Variants in LPXN observed in about 807,000 individuals in gnomAD.
The protein encoded by LPXN is leupaxin.
Under a neutral mutation model 45.6 loss-of-function variants are expected in LPXN, and 28 were observed. That is an observed-to-expected ratio of 0.61 (90% CI 0.45 to 0.84). LPXN has a LOEUF of 0.84. Among genes scored for constraint, LPXN ranks in the 40% least tolerant of loss-of-function variants. The probability of loss-of-function intolerance (pLI) is 0.00; values close to 1 mark genes in which losing one functional copy is unlikely to be tolerated. For synonymous variants in LPXN, 166 were observed against 169.9 expected (o/e 0.98, Z 0.18); for missense variants, 459 against 475.0 (o/e 0.97, Z 0.31).
chr11:58,569,265 C>A (rs544492120), intron 2 of LPXN, among the ~76,000 whole-genome samples: 2 of 152,250 alleles, frequency 1.3e-5, no homozygotes, highest in South Asian at 4.2e-4. Context: ...CATCAAGCAA[C>A]CTTTTAATTA....
At chr11:58,548,801 C>T (rs914824840) in intron 7 of LPXN, among the ~76,000 whole-genome samples, 4 of 152,154 alleles carry the variant, frequency 2.6e-5, no homozygotes, top group Non-Finnish European at 5.9e-5. Flanking sequence ...ACAAATACCA[C>T]AACCCAGATT....
chr11:58,549,811 G>A lies in LPXN; in HGVS notation c.717C>T (p.His239=). 1.9e-6 allele frequency: 3 copies of A among 1,614,168 alleles called. No individual in the cohort carries two copies. The highest frequency in any genetic ancestry group is 1.7e-6 in the Non-Finnish European group (2 of 1,180,012). The change falls in exon 7 of 9, where the codon CAC becomes CAT. Residue 239 remains histidine, a synonymous_variant. Transcript: ENST00000395074. ...TWHPEHFFCS[H]CGEVFGAEGF... ...CTTCTGCACCAAACACCTCTCCGCA[G>A]TGAGAGCAGAAGAAGTGCTCTGGGT... is the stretch of plus-strand genomic sequence containing the variant.
At chr11:58,567,000 C>CTG (rs147936650) in intron 2 of LPXN, among the ~76,000 whole-genome samples, 1,653 of 149,340 alleles carry the variant, frequency 0.011, 10 homozygotes, top group Non-Finnish European at 0.013. Context: ...CTTATAAAAT[C>CTG]TGTGTGTGTG....
intron 3 of LPXN, among the ~76,000 whole-genome samples, chr11:58,558,563 A>G (rs1387769225): frequency 1.3e-5 from 2 of 150,234 alleles, no homozygotes; most frequent in South Asian, 2.1e-4. Flanking sequence ...AAAAAAAAAA[A>G]AGAGAAGAAA....
chr11:58,537,116 A>C (rs1042440110), intron 7 of LPXN, among the ~76,000 whole-genome samples: 1 of 152,206 alleles, frequency 6.6e-6, no homozygotes, highest in Non-Finnish European at 1.5e-5. Flanking sequence ...TTCCTCAAGG[A>C]TCTAGAACCA....
intron 4 of LPXN, among the ~76,000 whole-genome samples, chr11:58,551,785 T>C (rs1854058337): frequency 6.6e-6 from 1 of 152,208 alleles, no homozygotes; most frequent in Admixed American, 6.5e-5. Flanking sequence ...GTAAGAAGAA[T>C]TGATTTAGAT....
intron 1 of LPXN, among the ~76,000 whole-genome samples, chr11:58,571,861 G>C (rs994178509): frequency 2.6e-5 from 4 of 152,072 alleles, no homozygotes; most frequent in South Asian, 4.1e-4. Flanking sequence ...AAAATAATTT[G>C]CTTAAGCGCA....
intron 1 of LPXN, among the ~76,000 whole-genome samples, chr11:58,573,283 A>T (rs1288225618): frequency 6.6e-6 from 1 of 151,974 alleles, no homozygotes; most frequent in East Asian, 1.9e-4. Context: ...AAAGAAAAAG[A>T]AAAGAAAACT....
At chr11:58,535,988 CACTGTTCAAGGAAATAAA>C (rs1171821684) in intron 7 of LPXN, among the ~76,000 whole-genome samples, 2 of 152,248 alleles carry the variant, frequency 1.3e-5, no homozygotes, top group East Asian at 1.9e-4. Context: ...AACTACAAAC[CACTGTTCAAGGAAATAAA>C]ACAGGACACA....
At chr11:58,549,504 G>T (rs1027789409) in intron 7 of LPXN, among the ~76,000 whole-genome samples, 2 of 152,132 alleles carry the variant, frequency 1.3e-5, no homozygotes, top group Admixed American at 6.5e-5. Context: ...ATGAGAAAGG[G>T]ACTTTTTCAA....
At chr11:58,541,655 A>T (rs1317046917) in intron 7 of LPXN, among the ~76,000 whole-genome samples, 2 of 150,662 alleles carry the variant, frequency 1.3e-5, no homozygotes, top group East Asian at 3.9e-4. Context: ...ATCTAGAACT[A>T]GAAATACCAT....
intron 7 of LPXN, among the ~76,000 whole-genome samples, chr11:58,543,129 G>A (rs1415649227): frequency 1.3e-5 from 2 of 152,084 alleles, no homozygotes; most frequent in African/African-American, 4.8e-5. Context: ...TGCAGAGTAG[G>A]TCGTAGTTAG....
chr11:58,546,654 T>C (rs1307909345), intron 7 of LPXN, among the ~76,000 whole-genome samples: 1 of 152,220 alleles, frequency 6.6e-6, no homozygotes, highest in Non-Finnish European at 1.5e-5. Context: ...TAGTCAAGTC[T>C]ACCAGTCAAC....
rs570241325 is a variant in LPXN, at chr11:58,536,562, G to A, written c.743-8371C>T. Among the ~76,000 whole-genome samples the A allele has an allele frequency of 3.9e-5, 6 of 152,232 alleles. No homozygotes were observed. The East Asian group carries it at 5.8e-4, about 15-fold the overall frequency. On this transcript the variant is annotated intron_variant, in intron 7 of 8. Coordinates refer to ENST00000395074, the MANE Select transcript of LPXN (RefSeq NM_004811.3). The stretch of plus-strand genomic sequence containing the variant: ...ACCTAAAACCATAAAATTCCTAGAA[G>A]AAAACCTAGGCAATACCATTCAGGA...
chr11:58,562,402 A>G (rs1284808507), intron 3 of LPXN, among the ~76,000 whole-genome samples: 1 of 152,184 alleles, frequency 6.6e-6, no homozygotes, highest in African/African-American at 2.4e-5. Flanking sequence ...GCTCAGAGTG[A>G]TACTAGTCTC....
At chr11:58,557,607 T>C (rs764752388) in intron 3 of LPXN, among the ~76,000 whole-genome samples, 10 of 152,142 alleles carry the variant, frequency 6.6e-5, no homozygotes, top group South Asian at 2.1e-4. Context: ...ATATGTAAGA[T>C]GAACAAGCCT....
At chr11:58,578,138 CA>C, upstream of LPXN, 1 of 1,472,896 alleles carries the variant, frequency 6.8e-7, no homozygotes. Flanking sequence ...AAAGGTACGC[CA>C]ACGCCCAGAT....
At position 58,536,567 on chromosome 11, in the gene LPXN, C is replaced by T. The variant is rs563629383; in HGVS notation, c.743-8376G>A. On this transcript the variant is annotated intron_variant, in intron 7 of 8. Transcript: ENST00000395074. ...AAACCATAAAATTCCTAGAAGAAAA[C>T]CTAGGCAATACCATTCAGGACACAG... is the stretch of plus-strand genomic sequence containing the variant. Among the ~76,000 whole-genome samples, 11 of 152,234 alleles carry T rather than the reference C, an allele frequency of 7.2e-5. No homozygotes were observed. In the South Asian group the frequency reaches 1.7e-3, roughly 23 times the overall value.
At chr11:58,545,824 G>C (rs1446053719) in intron 7 of LPXN, among the ~76,000 whole-genome samples, 2 of 152,156 alleles carry the variant, frequency 1.3e-5, no homozygotes, top group African/African-American at 4.8e-5. Flanking sequence ...CTAACTGTGT[G>C]ACTTTAAGAA....
Sources: allele counts gnomAD v4.1 joint callset (sites outside exome capture counted in the v4.1 genomes callset), GRCh38; gene constraint gnomAD v4.1.1; transcripts MANE v1.5; gene names NCBI Gene and HGNC (gene_info 2026-07-23, HGNC 2026-07-21).